ALK: variants seen among roughly 807,000 people sequenced by gnomAD.
ALK encodes the protein ALK tyrosine kinase receptor.
In ALK, 74 loss-of-function variants were observed where a neutral mutation model predicts 163.1. The observed-to-expected ratio is 0.45, with a 90% CI of 0.38 to 0.55. The LOEUF is 0.55. Ranked by LOEUF, ALK falls within the 20% of genes least tolerant of loss-of-function variation. The pLI is 0.00. For synonymous variants in ALK, 960 were observed against 843.2 expected, an observed-to-expected ratio of 1.14 and a Z score of -2.40; for missense variants, 2,063 against 2,105.3, an observed-to-expected ratio of 0.98 and a Z score of 0.39.
intron 1 of ALK, among the ~76,000 whole-genome samples, chr2:29,776,524 T>C (rs1400859413): frequency 1.3e-5 from 2 of 152,206 alleles, no homozygotes; most frequent in African/African-American, 2.4e-5. Flanking sequence ...CTCTCGCTCA[T>C]GGCAAATGGG....
intron 5 of ALK, among the ~76,000 whole-genome samples, chr2:29,373,341 C>G (rs954384471): frequency 1.3e-5 from 2 of 152,154 alleles, no homozygotes; most frequent in Non-Finnish European, 2.9e-5. Flanking sequence ...AAATTCATTA[C>G]TATTTTACTA....
intron 3 of ALK, among the ~76,000 whole-genome samples, chr2:29,643,385 T>A (rs902297262): frequency 6.6e-6 from 1 of 152,172 alleles, no homozygotes; most frequent in East Asian, 1.9e-4. Flanking sequence ...ATTCAAAAAA[T>A]ATGTTGGAAA....
intron 4 of ALK, among the ~76,000 whole-genome samples, chr2:29,444,013 C>T (rs963545977): frequency 6.6e-6 from 1 of 152,174 alleles, no homozygotes; most frequent in Non-Finnish European, 1.5e-5. Context: ...AAAGGAGAAA[C>T]TGAGTCACAG....
At chr2:29,496,243 G>A (rs1199326796) in intron 4 of ALK, among the ~76,000 whole-genome samples, 1 of 152,124 alleles carries the variant, frequency 6.6e-6, no homozygotes, top group African/African-American at 2.4e-5. Flanking sequence ...TTTGCTCATT[G>A]TTTATTACAT....
At chr2:29,396,533 A>T (rs1392718339) in intron 4 of ALK, among the ~76,000 whole-genome samples, 1 of 152,002 alleles carries the variant, frequency 6.6e-6, no homozygotes, top group Non-Finnish European at 1.5e-5. Flanking sequence ...AATCAGCTGG[A>T]CATGGTGGCG....
chr2:29,871,122 C>T (rs978508774), intron 1 of ALK, among the ~76,000 whole-genome samples: 1 of 152,128 alleles, frequency 6.6e-6, no homozygotes, highest in Non-Finnish European at 1.5e-5. Flanking sequence ...AACCCATTGG[C>T]TTTAGGAAAG....
chr2:29,370,836 C>T (rs953880399), intron 5 of ALK, among the ~76,000 whole-genome samples: 7 of 152,126 alleles, frequency 4.6e-5, no homozygotes, highest in African/African-American at 1.2e-4. Flanking sequence ...ATCCCCTAGA[C>T]GTGAGACTTG....
At chr2:29,585,336 A>AT (rs35303996) in intron 3 of ALK, among the ~76,000 whole-genome samples, 13 of 139,212 alleles carry the variant, frequency 9.3e-5, no homozygotes, top group South Asian at 2.3e-4. Flanking sequence ...TATTATTACT[A>AT]TTTTTTTGAG....
At chr2:29,784,691 G>A (rs947001237) in intron 1 of ALK, among the ~76,000 whole-genome samples, 6 of 120,768 alleles carry the variant, frequency 5.0e-5, no homozygotes, top group Admixed American at 1.0e-4. Context: ...CAAGACCTCC[G>A]TCTCAACAAC....
intron 1 of ALK, among the ~76,000 whole-genome samples, chr2:29,865,801 AC>A (rs1309528969): frequency 1.3e-5 from 2 of 152,138 alleles, no homozygotes; most frequent in Non-Finnish European, 2.9e-5. Context: ...CATAGTTAGC[AC>A]TCCAAAACAG....
At chr2:29,831,628 G>A (rs952920574) in intron 1 of ALK, among the ~76,000 whole-genome samples, 2 of 152,086 alleles carry the variant, frequency 1.3e-5, no homozygotes, top group African/African-American at 4.8e-5. Flanking sequence ...TACAACTCAA[G>A]TCTGGCCAGT....
At chr2:29,504,077 C>T (rs772939694) in intron 4 of ALK, among the ~76,000 whole-genome samples, 1 of 152,062 alleles carries the variant, frequency 6.6e-6, no homozygotes, top group Admixed American at 6.5e-5. Flanking sequence ...CTAAACACAA[C>T]ACTGAGACAG....
chr2:29,844,704 G>A (rs553104379), intron 1 of ALK, among the ~76,000 whole-genome samples: 3 of 152,094 alleles, frequency 2.0e-5, no homozygotes, highest in South Asian at 4.2e-4. Context: ...TTCATGAGCC[G>A]AAAACCAACC....
rs1553380367 is a variant in ALK at position 29,920,347 on chromosome 2, C to T, written c.313G>A (p.Ala105Thr). 1 of 1,551,636 alleles carries T rather than the reference C, an allele frequency of 6.4e-7. No homozygotes were observed. The highest frequency in any genetic ancestry group is 8.7e-7 in the Non-Finnish European group (1 of 1,148,784). The stretch of plus-strand genomic sequence containing the variant: ...CCGGCGGTCCAGGAGACCCCCGGCG[C>T]CGGCCCCAGCAACCTGAGCAGCGGG... ...CAPLLRLLGP[A>T]PGVSWTAGSP... Residue 105 changes from alanine to threonine, a missense_variant, in exon 1 of 29, where the codon GCG (alanine) becomes ACG (threonine). This residue lies in a region of ALK where 987 missense variants were observed against 939.5 expected (regional missense o/e 1.05). Transcript: ENST00000389048.
At chr2:29,888,845 AC>A (rs2148423032) in intron 1 of ALK, among the ~76,000 whole-genome samples, 1 of 152,322 alleles carries the variant, frequency 6.6e-6, no homozygotes, top group African/African-American at 2.4e-5. Context: ...AAATGTTGTT[AC>A]CGTAACATCC....
chr2:29,324,985 G>T (rs554124483), intron 6 of ALK, among the ~76,000 whole-genome samples: 4 of 152,200 alleles, frequency 2.6e-5, no homozygotes, highest in Non-Finnish European at 5.9e-5. Context: ...GCTCCAAAGA[G>T]ATCCAGTTAC....
At chr2:29,756,760 C>G (rs1446815892) in intron 1 of ALK, among the ~76,000 whole-genome samples, 1 of 152,126 alleles carries the variant, frequency 6.6e-6, no homozygotes. Flanking sequence ...ATCCTGGCCT[C>G]AAGTGATCCA....
At chr2:29,877,842 C>T (rs763493628) in intron 1 of ALK, among the ~76,000 whole-genome samples, 37 of 152,176 alleles carry the variant, frequency 2.4e-4, no homozygotes, top group Non-Finnish European at 4.7e-4. Context: ...GGCTGCTTTT[C>T]CCCATGGAAT....
intron 8 of ALK, among the ~76,000 whole-genome samples, chr2:29,312,360 G>A (rs1193452683): frequency 6.6e-6 from 1 of 151,914 alleles, no homozygotes. Context: ...GCCGAGAACA[G>A]TGGGTCGCTA....
Sources: gnomAD v4.1 joint callset for allele counts (sites outside exome capture counted in the v4.1 genomes callset) on GRCh38, gnomAD v4.1.1 for gene constraint, gnomAD v4.1.1 regional missense constraint, MANE v1.5 for transcripts, NCBI Gene and HGNC (gene_info 2026-07-23, HGNC 2026-07-21) for gene names.